Variants in TLN2 observed in about 807,000 individuals in gnomAD.
The protein encoded by TLN2 is talin-2.
In TLN2, 118 loss-of-function variants were observed where a neutral mutation model predicts 294.7. The ratio of observed to expected loss-of-function variants is 0.40; its 90% CI spans 0.34 to 0.47. The LOEUF (loss-of-function observed/expected upper bound fraction) is 0.47. Among genes scored for constraint, TLN2 ranks in the 20% least tolerant of loss-of-function variants. The pLI, the probability that TLN2 is intolerant of heterozygous loss-of-function variation, is 0.84. For synonymous variants in TLN2, 1,431 were observed against 1,304.5 expected (o/e 1.10, Z -2.09); for missense variants, 3,083 against 3,282.2 (o/e 0.94, Z 1.48).
chr15:62,667,601 G>C (rs1206099833), intron 9 of TLN2, among the ~76,000 whole-genome samples: 1 of 152,180 alleles, frequency 6.6e-6, no homozygotes, highest in East Asian at 1.9e-4. Context: ...TAGGTTGTAA[G>C]CCTCTCCTTT....
chr15:62,637,303 A>C (rs1354667378), intron 3 of TLN2: 1 of 152,236 alleles, frequency 6.6e-6, no homozygotes, highest in Non-Finnish European at 1.5e-5. Context: ...TGTATAAAAG[A>C]ATTCAAAGTC....
chr15:62,535,737 T>G (rs1319383504), intron 1 of TLN2, among the ~76,000 whole-genome samples: 15 of 152,068 alleles, frequency 9.9e-5, no homozygotes, highest in Admixed American at 9.8e-4. Flanking sequence ...TGTAATTTAG[T>G]AGAGACGGGG....
At chr15:62,739,681 T>G (rs2061214001) in intron 31 of TLN2, 136 bp downstream of exon 31, 2 of 1,030,538 alleles carry the variant, frequency 1.9e-6, no homozygotes, top group Admixed American at 2.7e-5. Flanking sequence ...TTTTTGCTGC[T>G]TAGGAAGCTC....
At chr15:62,835,649 C>G (rs1318957408) in intron 55 of TLN2, 88 bp from the exon 56 acceptor site, 3 of 1,472,834 alleles carry the variant, frequency 2.0e-6, no homozygotes, top group Middle Eastern at 1.7e-4. Context: ...GGGTACAAGT[C>G]TGGTTCCCGA....
chr15:62,612,867 CT>C (rs2048025526), intron 2 of TLN2, among the ~76,000 whole-genome samples: 1 of 152,160 alleles, frequency 6.6e-6, no homozygotes, highest in South Asian at 2.1e-4. Flanking sequence ...ATCTTCCAGG[CT>C]TTATGAAATA....
chr15:62,547,703 G>A (rs2042071321), intron 1 of TLN2, among the ~76,000 whole-genome samples: 2 of 152,190 alleles, frequency 1.3e-5, no homozygotes, highest in Non-Finnish European at 2.9e-5. Flanking sequence ...TTACTTTTTA[G>A]AACACAGGAG....
chr15:62,709,999 T>A (rs1478205417), intron 21 of TLN2, among the ~76,000 whole-genome samples: 1 of 152,204 alleles, frequency 6.6e-6, no homozygotes, highest in Non-Finnish European at 1.5e-5. Context: ...CCTCCCAAAG[T>A]GCTGGGATTA....
At chr15:62,755,481 C>G in intron 36 of TLN2, 51 bp from the exon 37 acceptor site, 1 of 1,582,622 alleles carries the variant, frequency 6.3e-7, no homozygotes. Context: ...CGGGGTGGAC[C>G]CCTCTGCACT....
chr15:62,492,308 C>G (rs1595927351), intron 1 of TLN2, among the ~76,000 whole-genome samples: 8 of 151,808 alleles, frequency 5.3e-5, no homozygotes, highest in African/African-American at 1.7e-4. Context: ...CCTATAATCC[C>G]AGCACTTTGG....
intron 7 of TLN2, 32 bp from the exon 8 acceptor site, chr15:62,655,912 A>G: frequency 1.2e-6 from 2 of 1,610,872 alleles, no homozygotes; most frequent in Non-Finnish European, 1.7e-6. Context: ...AAAAATAAAC[A>G]CAGTTCTCTT....
chr15:62,560,451 C>T (rs780910131), intron 1 of TLN2, among the ~76,000 whole-genome samples: 11 of 152,086 alleles, frequency 7.2e-5, no homozygotes, highest in South Asian at 4.2e-4. Flanking sequence ...TAAGTGGGCC[C>T]GCCTAGCTGG....
At chr15:62,572,154 G>C (rs1165502625) in intron 1 of TLN2, among the ~76,000 whole-genome samples, 1 of 152,178 alleles carries the variant, frequency 6.6e-6, no homozygotes, top group Non-Finnish European at 1.5e-5. Flanking sequence ...TAAGGGCAAT[G>C]CTCAACTGGT....
intron 1 of TLN2, among the ~76,000 whole-genome samples, chr15:62,482,148 A>G (rs1442588393): frequency 6.6e-6 from 1 of 152,026 alleles, no homozygotes; most frequent in Non-Finnish European, 1.5e-5. Context: ...AAATTATGTA[A>G]CCACTCATTC....
chr15:62,460,579 G>A (rs1014099703), intron 1 of TLN2, among the ~76,000 whole-genome samples: 1 of 152,172 alleles, frequency 6.6e-6, no homozygotes, highest in Non-Finnish European at 1.5e-5. Flanking sequence ...ACGTGGTCTT[G>A]TACGAAGAGG....
At chr15:62,745,573 A>G (rs2061566524) in intron 32 of TLN2, among the ~76,000 whole-genome samples, 1 of 152,082 alleles carries the variant, frequency 6.6e-6, no homozygotes, top group African/African-American at 2.4e-5. Flanking sequence ...GGCCCATTCT[A>G]TTCTATTTTG....
intron 1 of TLN2, among the ~76,000 whole-genome samples, chr15:62,483,593 G>A (rs952516394): frequency 7.2e-5 from 11 of 152,110 alleles, no homozygotes; most frequent in Admixed American, 6.6e-4. Context: ...GGGCCGCCTT[G>A]ACTTCCTTCC....
intron 55 of TLN2, 49 bp from the exon 56 acceptor site, chr15:62,835,688 C>T (rs1332422043): frequency 6.2e-7 from 1 of 1,605,462 alleles, no homozygotes; most frequent in East Asian, 2.2e-5. Flanking sequence ...GGGCTGCGAC[C>T]ACTGGGGCTG....
intron 54 of TLN2, chr15:62,830,428 T>C (rs955558292): frequency 2.0e-5 from 3 of 152,460 alleles, no homozygotes; most frequent in African/African-American, 7.2e-5. Flanking sequence ...AATTCTGCAT[T>C]TTAATTGGGA....
intron 50 of TLN2, among the ~76,000 whole-genome samples, chr15:62,804,255 G>A (rs755473393): frequency 1.2e-4 from 19 of 152,152 alleles, no homozygotes; most frequent in Non-Finnish European, 2.4e-4. Flanking sequence ...GAGCCATCCT[G>A]GGAAACTACA....
Sources: gnomAD v4.1 joint callset for allele counts (sites outside exome capture counted in the v4.1 genomes callset) on GRCh38, gnomAD v4.1.1 for gene constraint, MANE v1.5 for transcripts, NCBI Gene and HGNC (gene_info 2026-07-23, HGNC 2026-07-21) for gene names.